The following CSGALNACT1 variants were observed in gnomAD, a reference collection of about 807,000 sequenced individuals.
CSGALNACT1 encodes chondroitin sulfate N-acetylgalactosaminyltransferase 1.
Under a neutral mutation model 51.0 loss-of-function variants are expected in CSGALNACT1, and 52 were observed. The ratio of observed to expected loss-of-function variants is 1.02; its 90% CI spans 0.82 to 1.29. The LOEUF (loss-of-function observed/expected upper bound fraction) is 1.29. Ranked by LOEUF, CSGALNACT1 falls within the 50% of genes most tolerant of loss-of-function variation. The pLI is 0.00. For missense variants in CSGALNACT1, 935 were observed against 679.2 expected (o/e 1.38, Z -4.19); for synonymous variants, 341 against 254.4 (o/e 1.34, Z -3.24).
At chr8:19,694,475 T>G (rs2061488002) in intron 1 of CSGALNACT1, among the ~76,000 whole-genome samples, 1 of 152,198 alleles carries the variant, frequency 6.6e-6, no homozygotes, top group Non-Finnish European at 1.5e-5. Context: ...TTAAACAAAA[T>G]AGAGAAAATT....
chr8:19,661,316 G>A lies in CSGALNACT1; in HGVS notation c.-544+21157C>T, dbSNP rs1417448388. ...AAACTGGGCAGGGACTCTGCCTAGA[G>A]CATGTGAAGATGAGTCACCTACTGC... On this transcript the variant is annotated intron_variant, in intron 1 of 9. Transcript: ENST00000332246. Among the ~76,000 whole-genome samples the A allele has an allele frequency of 2.0e-5, 3 of 152,206 alleles. No individual in the cohort carries two copies. The South Asian group carries it at 6.2e-4, about 32-fold the overall frequency.
At chr8:19,514,828 G>A (rs199740354) in intron 3 of CSGALNACT1, among the ~76,000 whole-genome samples, 4 of 151,616 alleles carry the variant, frequency 2.6e-5, no homozygotes, top group East Asian at 1.9e-4. Flanking sequence ...GTGAAACTCC[G>A]TCTCCAAAAG....
intron 1 of CSGALNACT1, among the ~76,000 whole-genome samples, chr8:19,627,487 T>G (rs1201802905): frequency 3.3e-5 from 5 of 151,796 alleles, no homozygotes; most frequent in African/African-American, 1.2e-4. Context: ...TCTAGAGAGG[T>G]AATAACATTT....
intron 3 of CSGALNACT1, among the ~76,000 whole-genome samples, chr8:19,561,904 G>C (rs1377641314): frequency 6.6e-6 from 1 of 152,118 alleles, no homozygotes; most frequent in Non-Finnish European, 1.5e-5. Context: ...GATGGGTGGG[G>C]AGGGATTGCT....
intron 1 of CSGALNACT1, among the ~76,000 whole-genome samples, chr8:19,667,092 AAAGAAAGG>A (rs1564387606): frequency 0.02 from 2,436 of 122,076 alleles, 479 homozygotes; most frequent in African/African-American, 0.036. Flanking sequence ...AGAAAGAAAG[AAAGAAAGG>A]GAAAGAAATC....
intron 1 of CSGALNACT1, among the ~76,000 whole-genome samples, chr8:19,646,636 C>T (rs1005534285): frequency 6.6e-5 from 10 of 152,116 alleles, no homozygotes; most frequent in African/African-American, 1.7e-4. Flanking sequence ...AAGAAAGCCC[C>T]GTCTATGAAT....
intron 6 of CSGALNACT1, among the ~76,000 whole-genome samples, chr8:19,435,946 G>A (rs937049740): frequency 3.3e-5 from 5 of 152,010 alleles, no homozygotes; most frequent in Admixed American, 3.3e-4. Flanking sequence ...CTTACTACTT[G>A]TGCTTCACTC....
chr8:19,434,840 A>G (rs184406348), intron 6 of CSGALNACT1, among the ~76,000 whole-genome samples: 1,488 of 146,278 alleles, frequency 0.01, 20 homozygotes, highest in African/African-American at 0.035. Flanking sequence ...CTTGTTTAAG[A>G]AAAAAAAAAA....
intron 3 of CSGALNACT1, among the ~76,000 whole-genome samples, chr8:19,527,934 T>G (rs2082020835): frequency 6.6e-6 from 1 of 152,080 alleles, no homozygotes; most frequent in Admixed American, 6.5e-5. Flanking sequence ...AATCAAACCG[T>G]AAGACTGAAG....
intron 1 of CSGALNACT1, among the ~76,000 whole-genome samples, chr8:19,699,030 CTTTTTTCT>C (rs760640441): frequency 2.0e-5 from 3 of 152,032 alleles, no homozygotes; most frequent in Non-Finnish European, 4.4e-5. Flanking sequence ...CAGTGTATTG[CTTTTTTCT>C]TTTTTTCTTT....
At chr8:19,742,391 C>T (rs1421735256) in intron 1 of CSGALNACT1, among the ~76,000 whole-genome samples, 1 of 152,226 alleles carries the variant, frequency 6.6e-6, no homozygotes, top group Non-Finnish European at 1.5e-5. Context: ...TCTCTTGGGT[C>T]CTTTTCAACC....
intron 1 of CSGALNACT1, among the ~76,000 whole-genome samples, chr8:19,618,258 T>G (rs2053307998): frequency 6.6e-6 from 1 of 152,140 alleles, no homozygotes; most frequent in Admixed American, 6.5e-5. Context: ...CAGGAAGATC[T>G]ATGTCTCGGC....
At chr8:19,733,719 C>T (rs181808449) in intron 1 of CSGALNACT1, among the ~76,000 whole-genome samples, 1 of 152,322 alleles carries the variant, frequency 6.6e-6, no homozygotes, top group Non-Finnish European at 1.5e-5. Flanking sequence ...TACATGTGCA[C>T]TGACCTTTCC....
At chr8:19,601,793 T>C (rs1467616181) in exon 2 of CSGALNACT1, 1 of 453,818 alleles carries the variant, frequency 2.2e-6, no homozygotes, top group Non-Finnish European at 4.4e-6. Context: ...GAAGGGAAGG[T>C]TAGGAGGTGG....
chr8:19,471,917 CT>C (rs2068278558), intron 4 of CSGALNACT1, among the ~76,000 whole-genome samples: 1 of 152,212 alleles, frequency 6.6e-6, no homozygotes, highest in Non-Finnish European at 1.5e-5. Context: ...CTAGAGCTGG[CT>C]GGACCCAGAT....
At chr8:19,645,437 T>C (rs1301115083) in intron 1 of CSGALNACT1, among the ~76,000 whole-genome samples, 1 of 152,236 alleles carries the variant, frequency 6.6e-6, no homozygotes, top group African/African-American at 2.4e-5. Context: ...GTCTAGATTT[T>C]GAAGTCACAC....
intron 1 of CSGALNACT1, among the ~76,000 whole-genome samples, chr8:19,666,166 T>A (rs967985778): frequency 2.0e-5 from 3 of 152,176 alleles, no homozygotes; most frequent in Admixed American, 6.5e-5. Flanking sequence ...GAAGCTGGAT[T>A]TGAATGCTAG....
intron 3 of CSGALNACT1, chr8:19,585,422 G>A (rs1226295127): frequency 6.6e-6 from 1 of 152,194 alleles, no homozygotes; most frequent in Non-Finnish European, 1.5e-5. Flanking sequence ...TAATTCTCTT[G>A]CCTCTGATTA....
chr8:19,474,958 C>G (rs2153886302), intron 4 of CSGALNACT1, among the ~76,000 whole-genome samples: 1 of 151,120 alleles, frequency 6.6e-6, no homozygotes, highest in Middle Eastern at 3.5e-3. Context: ...AAAACATAGA[C>G]CTTGCTATGG....
Sources: gnomAD v4.1 joint callset for allele counts (sites outside exome capture counted in the v4.1 genomes callset) on GRCh38, gnomAD v4.1.1 for gene constraint, MANE v1.5 for transcripts, NCBI Gene and HGNC (gene_info 2026-07-23, HGNC 2026-07-21) for gene names.